OSBPL9: variants seen among roughly 807,000 people sequenced by gnomAD.
OSBPL9 encodes the protein oxysterol-binding protein-related protein 9.
A neutral mutation model predicts 106.6 loss-of-function variants in OSBPL9; 40 were observed. The ratio of observed to expected loss-of-function variants is 0.38; its 90% confidence interval spans 0.29 to 0.49. OSBPL9 has a LOEUF of 0.49. Among genes scored for constraint, OSBPL9 ranks in the 20% least tolerant of loss-of-function variants. OSBPL9 has a pLI of 0.97. For synonymous variants in OSBPL9, 269 were observed against 295.4 expected, an observed-to-expected ratio of 0.91 and a Z score of 0.92; for missense variants, 609 against 887.2, an observed-to-expected ratio of 0.69 and a Z score of 3.98.
intron 3 of OSBPL9, among the ~76,000 whole-genome samples, chr1:51,675,887 GTTTAT>G (rs1264640820): frequency 6.6e-6 from 1 of 152,042 alleles, no homozygotes; most frequent in African/African-American, 2.4e-5. Flanking sequence ...TTTATTGAAT[GTTTAT>G]TTTATGAGTT....
chr1:51,617,305 G>C, intron 1 of OSBPL9, 84 bp downstream of exon 1: 4 of 1,391,482 alleles, frequency 2.9e-6, no homozygotes, highest in Non-Finnish European at 2.9e-6. Flanking sequence ...TTAGGTGGCT[G>C]AGTTGAGGTT....
chr1:51,752,588 G>T, intron 8 of OSBPL9: 1 of 454,470 alleles, frequency 2.2e-6, no homozygotes, highest in South Asian at 1.6e-5. Flanking sequence ...TAGACTGGGT[G>T]GCTTAAAGAA....
In OSBPL9 at chr1:51,761,965, A is replaced by T; in HGVS notation, c.772A>T (p.Ser258Cys). The T allele has an allele frequency of 6.3e-7, 1 of 1,595,710 alleles. No homozygotes were observed. The highest frequency in any genetic ancestry group is 8.6e-7 in the Non-Finnish European group (1 of 1,163,270). Residue 258 changes from serine to cysteine, a missense_variant, in exon 11 of 24, where the codon AGT (serine) becomes TGT (cysteine). Transcript: ENST00000428468. ...ACATCATCAGACTCCTACACCAAAT[A>T]GTACAGGTACAGATTTGCATAATTT... is the stretch of plus-strand genomic sequence containing the variant. ...LGHHQTPTPN[S>C]TGSGHSPPSS...
intron 16 of OSBPL9, 77 bp from the exon 17 acceptor site, chr1:51,782,481 AG>A: frequency 3.6e-6 from 4 of 1,124,746 alleles, no homozygotes; most frequent in Non-Finnish European, 5.1e-6. Context: ...GAGCGAGCAG[AG>A]ACCCCAATTA....
intron 4 of OSBPL9, among the ~76,000 whole-genome samples, chr1:51,731,703 G>A (rs1318289526): frequency 2.0e-5 from 3 of 151,870 alleles, no homozygotes; most frequent in African/African-American, 7.3e-5. Flanking sequence ...CATAAACCCT[G>A]GAGGGGGAGC....
intron 4 of OSBPL9, 123 bp from the exon 5 acceptor site, chr1:51,745,413 G>C: frequency 7.2e-7 from 1 of 1,380,280 alleles, no homozygotes; most frequent in South Asian, 1.4e-5. Context: ...CCTATTATTT[G>C]TGTCAAAATA....
At chr1:51,656,511 A>G (rs987260979) in intron 2 of OSBPL9, among the ~76,000 whole-genome samples, 3 of 151,698 alleles carry the variant, frequency 2.0e-5, no homozygotes, top group African/African-American at 7.3e-5. Flanking sequence ...TGCACCCCCT[A>G]TCTGATGAGC....
intron 1 of OSBPL9, among the ~76,000 whole-genome samples, chr1:51,593,943 C>CACACACAT (rs1553148790): frequency 1.3e-5 from 2 of 150,234 alleles, no homozygotes; most frequent in Non-Finnish European, 3.0e-5. Flanking sequence ...CACACACACA[C>CACACACAT]GAAGAGCATC....
In OSBPL9 at chr1:51,729,136, C is replaced by T. The variant is rs916678684; in HGVS notation, c.318+15057C>T. 3.3e-5 allele frequency among the ~76,000 whole-genome samples: 5 copies of T among 152,162 alleles called. No homozygotes were observed. Among genetic ancestry groups the T allele is most frequent in the Admixed American group, 2.6e-4 (4 of 15,270 alleles). On this transcript the variant is annotated intron_variant, in intron 4 of 23. Coordinates refer to ENST00000428468, the MANE Select transcript of OSBPL9 (RefSeq NM_024586.6). This position sits in a 1 kb window ranked among gnomAD's most constrained non-coding sequence, Gnocchi z 5.1. ...ATTCCTGAAGCATCTTTACAAGCCA[C>T]CTACATTCCTTATGGAGCTGTGGCA...
At chr1:51,650,575 A>G (rs552163689) in intron 1 of OSBPL9, among the ~76,000 whole-genome samples, 2 of 152,318 alleles carry the variant, frequency 1.3e-5, no homozygotes, top group East Asian at 1.9e-4. Context: ...TAGTTAGAAC[A>G]AAAAGAATAC....
rs539125630 is a variant in OSBPL9, at chr1:51,622,757, A to G, written c.111+5536A>G. ...AAGTGAGAGCAAAGAGGAAGCCTCA[A>G]TCCCTTTTATGACCTAGTCAGAGAC... is the stretch of plus-strand genomic sequence containing the variant. On this transcript the variant is annotated intron_variant, in intron 1 of 23. Transcript: ENST00000428468. 3.3e-5 allele frequency among the ~76,000 whole-genome samples: 5 copies of G among 152,342 alleles called. No individual in the cohort carries two copies. In the East Asian group the frequency reaches 7.7e-4, roughly 23 times the overall value.
Position 51,761,820 on chromosome 1 carries a change from G to A in OSBPL9, c.674-47G>A, listed in dbSNP as rs756654984. 4 of 1,362,974 alleles carry A rather than the reference G, an allele frequency of 2.9e-6. No individual in the cohort carries two copies. In the South Asian group the frequency reaches 3.5e-5, roughly 12 times the overall value. The allele number at this position is 1,362,974 out of a possible 1,614,324, so 84.4% of individuals were successfully genotyped here. On this transcript the variant is annotated intron_variant, in intron 10 of 23. Coordinates refer to ENST00000428468, the MANE Select transcript of OSBPL9 (RefSeq NM_024586.6). ...CAGACAATTACAGTCAATAGAATGT[G>A]TGTTTGGCTGTTTCTGTACCTTATT...
intron 4 of OSBPL9, among the ~76,000 whole-genome samples, chr1:51,735,245 GC>G (rs1463792061): frequency 1.3e-5 from 2 of 152,194 alleles, no homozygotes; most frequent in African/African-American, 4.8e-5. Flanking sequence ...ATGTCCACTG[GC>G]CGGTGGGAAC....
At chr1:51,681,691 A>C (rs1652590291) in intron 3 of OSBPL9, among the ~76,000 whole-genome samples, 1 of 152,144 alleles carries the variant, frequency 6.6e-6, no homozygotes, top group Admixed American at 6.5e-5. Flanking sequence ...GTTGCCCCTC[A>C]GTATCTGTGG....
At chr1:51,615,302 A>G (rs1644026532), upstream of OSBPL9, among the ~76,000 whole-genome samples, 1 of 152,148 alleles carries the variant, frequency 6.6e-6, no homozygotes, top group Admixed American at 6.5e-5. Flanking sequence ...ACAGAAACTC[A>G]TTCATTTCTA....
intron 4 of OSBPL9, among the ~76,000 whole-genome samples, chr1:51,733,437 C>T (rs894595196): frequency 6.6e-6 from 1 of 152,080 alleles, no homozygotes; most frequent in Non-Finnish European, 1.5e-5. Flanking sequence ...TGCTACCAGA[C>T]ATGAGAAACG....
chr1:51,590,619 C>CAAAAAAAAAA (rs572208174), intron 1 of OSBPL9, among the ~76,000 whole-genome samples: 4 of 52,956 alleles, frequency 7.6e-5, no homozygotes, highest in African/African-American at 2.3e-4. Flanking sequence ...GACTCCGTCT[C>CAAAAAAAAAA]AAAAAAAAAA....
At position 51,788,882 on chromosome 1, in the gene OSBPL9, T is replaced by TA. The variant is rs535372883; in HGVS notation, c.*1100dup. 3.6e-4 allele frequency among the ~76,000 whole-genome samples: 55 copies of TA among 151,162 alleles called. 1 individual carries two copies. The South Asian group carries it at 7.1e-3, about 19-fold the overall frequency. On this transcript the variant is annotated 3_prime_UTR_variant, in exon 24 of 24. Transcript: ENST00000428468. ...TCATCTTTTTTATTTAAAAATACAT[T>TA]AAAAAAACAGGTATTAGTACCTAGC...
chr1:51,711,264 C>T (rs1476105768), intron 3 of OSBPL9, among the ~76,000 whole-genome samples: 2 of 150,690 alleles, frequency 1.3e-5, no homozygotes, highest in Non-Finnish European at 1.5e-5. Context: ...AGGGGCTCCT[C>T]ACTTCCCAGT....
Sources: allele counts gnomAD v4.1 joint callset (sites outside exome capture counted in the v4.1 genomes callset), GRCh38; gene constraint gnomAD v4.1.1; non-coding constraint Gnocchi (gnomAD v3.1); transcripts MANE v1.5; gene names NCBI Gene and HGNC (gene_info 2026-07-23, HGNC 2026-07-21).